The following SMIM36 variants were observed in gnomAD, a reference collection of about 807,000 sequenced individuals.
SMIM36 encodes the protein small integral membrane protein 36.
chr17:55,519,016 G>A, the SMIM36 span, among the ~76,000 whole-genome samples: 2 of 149,986 alleles, frequency 1.3e-5, no homozygotes, highest in Admixed American at 6.6e-5. Flanking sequence ...TTCTCTCACC[G>A]AGGAATGAGT....
intron 1 of SMIM36, among the ~76,000 whole-genome samples, chr17:55,489,716 T>C (rs1449227551): frequency 6.6e-6 from 1 of 152,244 alleles, no homozygotes; most frequent in African/African-American, 2.4e-5. Context: ...ATATACCATA[T>C]TGGTTCATGT....
intron 1 of SMIM36, among the ~76,000 whole-genome samples, chr17:55,486,204 T>A (rs1909606481): frequency 6.6e-6 from 1 of 151,936 alleles, no homozygotes; most frequent in Admixed American, 6.6e-5. Context: ...ACAGCTAATT[T>A]TTTTTTGTAT....
chr17:55,451,929 G>A (rs11653190), intron 4 of SMIM36, among the ~76,000 whole-genome samples: 7,701 of 151,566 alleles, frequency 0.051, 695 homozygotes, highest in African/African-American at 0.18. Context: ...AGACCTTGTC[G>A]CCACAAAAAA....
chr17:55,488,030 T>C lies in SMIM36; in HGVS notation c.*175-8450A>G, dbSNP rs1308470842. ...GTGAGTAGCCTGTCTTTGTCTCCCC[T>C]TGATCCTTGGAAGTTGAACCTTCAA... On this transcript the variant is annotated intron_variant, in intron 1 of 4. Coordinates refer to ENST00000636752, the Ensembl canonical transcript of SMIM36. 4.6e-5 allele frequency among the ~76,000 whole-genome samples: 7 copies of C among 152,330 alleles called. No homozygotes were observed. In the East Asian group the frequency reaches 1.4e-3, roughly 29 times the overall value.
At chr17:55,516,244 T>C (rs1398677697), upstream of SMIM36, among the ~76,000 whole-genome samples, 1 of 152,226 alleles carries the variant, frequency 6.6e-6, no homozygotes, top group Admixed American at 6.5e-5. Context: ...GTGTTGGTTC[T>C]CCCTCTCCTT....
At chr17:55,459,007 G>T (rs1909085929) in intron 4 of SMIM36, among the ~76,000 whole-genome samples, 1 of 152,170 alleles carries the variant, frequency 6.6e-6, no homozygotes, top group South Asian at 2.1e-4. Flanking sequence ...CAAACTGAGA[G>T]CACCCTGTAA....
intron 4 of SMIM36, among the ~76,000 whole-genome samples, chr17:55,460,459 A>AAG (rs1293397495): frequency 7.2e-5 from 11 of 151,756 alleles, no homozygotes; most frequent in Non-Finnish European, 1.5e-4. Context: ...AAACAAAAAA[A>AAG]AAGAACAACA....
chr17:55,473,600 T>C (rs1417195307), intron 3 of SMIM36, among the ~76,000 whole-genome samples: 1 of 152,112 alleles, frequency 6.6e-6, no homozygotes, highest in Non-Finnish European at 1.5e-5. Flanking sequence ...TCAGGAAAGG[T>C]AGAACAGACT....
chr17:55,513,843 G>T (rs1910222483), upstream of SMIM36, among the ~76,000 whole-genome samples: 1 of 152,160 alleles, frequency 6.6e-6, no homozygotes, highest in Non-Finnish European at 1.5e-5. Context: ...GTTTCTCTGT[G>T]TAATGGTGAT....
intron 1 of SMIM36, among the ~76,000 whole-genome samples, chr17:55,505,941 CAG>C (rs1910073251): frequency 1.3e-5 from 1 of 74,408 alleles, no homozygotes; most frequent in Middle Eastern, 5.7e-3. Flanking sequence ...AACAGAAAAA[CAG>C]AGAGCCAAAT....
At chr17:55,458,601 G>C (rs1455629628) in intron 4 of SMIM36, among the ~76,000 whole-genome samples, 1 of 132,694 alleles carries the variant, frequency 7.5e-6, no homozygotes, top group Admixed American at 8.6e-5. Flanking sequence ...ACACATCCTA[G>C]CGGGCAGCCA....
intron 1 of SMIM36, among the ~76,000 whole-genome samples, chr17:55,484,453 G>T (rs1467682345): frequency 6.6e-6 from 1 of 152,180 alleles, no homozygotes; most frequent in Non-Finnish European, 1.5e-5. Flanking sequence ...GGTAGACGAA[G>T]AACTTTACAA....
chr17:55,463,176 A>G (rs1416163566), intron 4 of SMIM36, among the ~76,000 whole-genome samples: 1 of 152,172 alleles, frequency 6.6e-6, no homozygotes, highest in Non-Finnish European at 1.5e-5. Context: ...TCTGAACTCA[A>G]TATATACTAT....
rs190711072 is a variant in SMIM36 at position 55,467,647 on chromosome 17, C to T, written c.*348-319G>A. Reference sequence around the variant, plus strand: ...TCCTGACCTCGTGATCCGCCTGCCACGGCCTCCCAAAGTGCAGGGATTGCA... The same window carrying T: ...TCCTGACCTCGTGATCCGCCTGCCATGGCCTCCCAAAGTGCAGGGATTGCA... On this transcript the variant is annotated intron_variant, in intron 3 of 4. Transcript: ENST00000636752. Among the ~76,000 whole-genome samples, 38 of 152,294 alleles carry T rather than the reference C, an allele frequency of 2.5e-4. 1 individual carries two copies. In the East Asian group the frequency reaches 4.3e-3, roughly 17 times the overall value.
intron 4 of SMIM36, among the ~76,000 whole-genome samples, chr17:55,464,089 TG>T (rs1909193370): frequency 6.6e-6 from 1 of 152,120 alleles, no homozygotes; most frequent in Admixed American, 6.5e-5. Flanking sequence ...CACTCCAGCC[TG>T]GGTGACAAAG....
chr17:55,509,970 G>GA (rs942149514), intron 1 of SMIM36, among the ~76,000 whole-genome samples: 1 of 152,050 alleles, frequency 6.6e-6, no homozygotes, highest in African/African-American at 2.4e-5. Flanking sequence ...GAGGATTGGA[G>GA]ATTAAATTTT....
At chr17:55,468,416 G>A (rs1909281214) in intron 3 of SMIM36, 1 of 153,048 alleles carries the variant, frequency 6.5e-6, no homozygotes, top group Non-Finnish European at 1.5e-5. Context: ...TAGAGACAAA[G>A]GAGACACATT....
chr17:55,509,153 C>T (rs1910137679), intron 1 of SMIM36, among the ~76,000 whole-genome samples: 1 of 152,140 alleles, frequency 6.6e-6, no homozygotes, highest in African/African-American at 2.4e-5. Context: ...AATCCAAAGG[C>T]AAAACAGTGC....
rs1316944230 is a variant in SMIM36 at position 55,501,195 on chromosome 17, T to G, written c.*174+9684A>C. Among the ~76,000 whole-genome samples the G allele has an allele frequency of 8.8e-4, 54 of 61,598 alleles. 14 individuals are homozygous for G. Among genetic ancestry groups the G allele is most frequent in the South Asian group, 3.0e-3 (5 of 1,644 alleles). 40.4% of individuals were successfully genotyped at this position (61,598 alleles called of 152,430 possible). On this transcript the variant is annotated intron_variant, in intron 1 of 4. Transcript: ENST00000636752. ...TATATATTATAATATATAATATATC[T>G]TATATATTATAATATATAATATATA...
Sources: gnomAD v4.1 joint callset for allele counts (sites outside exome capture counted in the v4.1 genomes callset) on GRCh38, gnomAD v4.1.1 for gene constraint, MANE v1.5 for transcripts, NCBI Gene and HGNC (gene_info 2026-07-23, HGNC 2026-07-21) for gene names.